The following GPR55 variants were observed in gnomAD, a reference collection of about 807,000 sequenced individuals.
GPR55 encodes the protein G-protein coupled receptor 55.
GPR55 carries 6 observed loss-of-function variants against 7.9 expected under a neutral mutation model. That is an observed-to-expected ratio of 0.76 (90% CI 0.41 to 1.49). The LOEUF is 1.49. GPR55 is among the 40% of genes most tolerant of loss of function. The pLI, the probability that GPR55 is intolerant of heterozygous loss-of-function variation, is 0.01. For missense variants in GPR55, 376 were observed against 406.0 expected (o/e 0.93, Z 0.63); for synonymous variants, 183 against 166.8 (o/e 1.10, Z -0.75).
rs531393390 is a variant in GPR55 at position 230,909,091 on chromosome 2, G to A, written c.*912C>T. On this transcript the variant is annotated 3_prime_UTR_variant, in exon 2 of 2. Coordinates refer to ENST00000650999, the MANE Select transcript of GPR55 (RefSeq NM_005683.4). ...TGTTTTCAAGGAAGCTAGCTGTAAT[G>A]AGCAACTTCCCAGTCTGTTTAAGAT... 39 of 152,440 alleles carry A rather than the reference G, an allele frequency of 2.6e-4. No homozygotes were observed. The highest frequency in any genetic ancestry group is 8.9e-4 in the African/African-American group (37 of 41,590). 9.4% of individuals were successfully genotyped at this position (152,440 alleles called of 1,614,324 possible).
chr2:230,941,120 A>G (rs1691220903), intron 1 of GPR55, among the ~76,000 whole-genome samples: 1 of 135,156 alleles, frequency 7.4e-6, no homozygotes, highest in South Asian at 2.5e-4. Flanking sequence ...CCATCTCCAG[A>G]AAAAAAAAAG....
intron 1 of GPR55, among the ~76,000 whole-genome samples, chr2:230,946,734 A>G (rs1489020911): frequency 6.6e-6 from 1 of 152,230 alleles, no homozygotes; most frequent in Non-Finnish European, 1.5e-5. Flanking sequence ...CACCTGGACC[A>G]GGCCATAGCT....
In GPR55 at chr2:230,951,682, G is replaced by A. The variant is rs1439099531; in HGVS notation, c.-135+9093C>T. On this transcript the variant is annotated intron_variant, in intron 1 of 1. Transcript: ENST00000392039. Reference sequence around the variant, plus strand: ...AGTTGGCTGGGATCTTGACAACTGAGGGTAAGCAGGGATTTTTTTCCCTTT... The same window carrying A: ...AGTTGGCTGGGATCTTGACAACTGAAGGTAAGCAGGGATTTTTTTCCCTTT... Among the ~76,000 whole-genome samples, 3 of 152,226 alleles carry A rather than the reference G, an allele frequency of 2.0e-5. No homozygotes were observed. The East Asian group carries it at 5.8e-4, about 29-fold the overall frequency.
intron 1 of GPR55, among the ~76,000 whole-genome samples, chr2:230,916,899 T>A (rs1200879029): frequency 1.3e-5 from 2 of 152,142 alleles, no homozygotes; most frequent in African/African-American, 4.8e-5. Context: ...GTGAAAAAAT[T>A]CAACTTTTAT....
intron 1 of GPR55, among the ~76,000 whole-genome samples, chr2:230,917,185 A>G (rs555944866): frequency 1.3e-5 from 2 of 152,398 alleles, no homozygotes; most frequent in East Asian, 3.8e-4. Flanking sequence ...GGAAAAGTAC[A>G]TCAGGTACAA....
chr2:230,930,058 C>T (rs922402423), upstream of GPR55: 11 of 152,368 alleles, frequency 7.2e-5, no homozygotes, highest in East Asian at 7.7e-4. Context: ...AGGACCCCCC[C>T]GCCTCCCACC....
At chr2:230,925,875 G>C (rs933951596), upstream of GPR55, among the ~76,000 whole-genome samples, 5 of 152,178 alleles carry the variant, frequency 3.3e-5, no homozygotes, top group Admixed American at 3.3e-4. Flanking sequence ...TGGCTTCCTA[G>C]GGCCCTGCAA....
upstream of GPR55, among the ~76,000 whole-genome samples, chr2:230,927,349 A>C (rs753677913): frequency 1.3e-5 from 2 of 151,990 alleles, no homozygotes; most frequent in Non-Finnish European, 2.9e-5. Flanking sequence ...TATATGGGGG[A>C]TCCCTTGCCA....
chr2:230,923,792 G>A lies in GPR55; in HGVS notation c.-135+1376C>T, dbSNP rs1026906124. Reference sequence around the variant, plus strand: ...GATTCTACCCAAGGTCAAAAAGGCCGTGAGGGACCAGCTGGAACTCATGTT... The same window carrying A: ...GATTCTACCCAAGGTCAAAAAGGCCATGAGGGACCAGCTGGAACTCATGTT... On this transcript the variant is annotated intron_variant, in intron 1 of 1. Coordinates refer to ENST00000650999, the MANE Select transcript of GPR55 (RefSeq NM_005683.4). The surrounding 1 kb of genome is among the most constrained non-coding windows in gnomAD (Gnocchi z 4.1). Among the ~76,000 whole-genome samples, 2 of 152,258 alleles carry A rather than the reference G, an allele frequency of 1.3e-5. No individual in the cohort carries two copies. The highest frequency in any genetic ancestry group is 1.5e-5 in the Non-Finnish European group (1 of 68,018).
At chr2:230,914,146 C>T (rs961728064) in intron 1 of GPR55, among the ~76,000 whole-genome samples, 1 of 152,226 alleles carries the variant, frequency 6.6e-6, no homozygotes, top group Non-Finnish European at 1.5e-5. Flanking sequence ...AACCCAAACC[C>T]AGACACAGTG....
At chr2:230,916,963 A>C (rs1382130356) in intron 1 of GPR55, among the ~76,000 whole-genome samples, 1 of 152,266 alleles carries the variant, frequency 6.6e-6, no homozygotes. Context: ...TGAAGGGTGC[A>C]CTTAAATGAC....
At chr2:230,917,925 T>C (rs1287584555) in intron 1 of GPR55, among the ~76,000 whole-genome samples, 1 of 151,190 alleles carries the variant, frequency 6.6e-6, no homozygotes, top group African/African-American at 2.5e-5. Flanking sequence ...TTTGGATTGG[T>C]TGTTTTAAAA....
At chr2:230,940,401 G>A (rs1232583301) in intron 1 of GPR55, among the ~76,000 whole-genome samples, 1 of 152,184 alleles carries the variant, frequency 6.6e-6, no homozygotes, top group Non-Finnish European at 1.5e-5. Context: ...GCCCAAAACT[G>A]CTGTGAATTC....
In GPR55 at chr2:230,909,777, T is replaced by A. The variant is rs894827112; in HGVS notation, c.*226A>T. On this transcript the variant is annotated 3_prime_UTR_variant, in exon 2 of 2. Transcript: ENST00000650999. ...AGAAATCAGTAATTCACCTGGTCTGTGGGTTCTTCAGAGATCCCTGAACAC... is the reference window on the plus strand; with the variant it reads ...AGAAATCAGTAATTCACCTGGTCTGAGGGTTCTTCAGAGATCCCTGAACAC... 3.5e-5 allele frequency: 19 copies of A among 535,438 alleles called. No individual in the cohort carries two copies. The highest frequency in any genetic ancestry group is 6.3e-5 in the Non-Finnish European group (19 of 301,870). The allele number at this position is 535,438 out of a possible 1,614,324, so 33.2% of individuals were successfully genotyped here. A position where few individuals can be genotyped will look rare whatever the true frequency, so the allele number is the denominator to read the frequency against.
chr2:230,937,311 G>T (rs145414984), intron 1 of GPR55, among the ~76,000 whole-genome samples: 14 of 151,684 alleles, frequency 9.2e-5, no homozygotes, highest in African/African-American at 3.2e-4. Flanking sequence ...AGGCTGAGAT[G>T]GAAGGATCAC....
intron 1 of GPR55, among the ~76,000 whole-genome samples, chr2:230,960,317 T>G (rs1392426948): frequency 1.3e-5 from 2 of 152,200 alleles, no homozygotes; most frequent in African/African-American, 4.8e-5. Context: ...ATAAGAGGAC[T>G]GACCATCAGC....
chr2:230,944,367 A>G lies in GPR55; in HGVS notation c.-135+16408T>C, dbSNP rs1691280349. On this transcript the variant is annotated intron_variant, in intron 1 of 1. Transcript: ENST00000392039. This position sits in a 1 kb window ranked among gnomAD's most constrained non-coding sequence, Gnocchi z 4.2. ...ACCTGACAGCTGTGCCTGCTTCACCAGTGTAGAGACTTGGATCCCCAGGCA... is the reference window on the plus strand; with the variant it reads ...ACCTGACAGCTGTGCCTGCTTCACCGGTGTAGAGACTTGGATCCCCAGGCA... Among the ~76,000 whole-genome samples the G allele has an allele frequency of 6.6e-6, 1 of 152,192 alleles. No individual in the cohort carries two copies. The highest frequency in any genetic ancestry group is 6.5e-5 in the Admixed American group (1 of 15,286).
Position 230,909,652 on chromosome 2 carries a change from A to C in GPR55, c.*351T>G. 4.5e-6 allele frequency: 1 copy of C among 221,838 alleles called. No individual in the cohort carries two copies. Among genetic ancestry groups the C allele is most frequent in the East Asian group, 1.0e-4 (1 of 9,898 alleles). The allele number at this position is 221,838 out of a possible 1,614,324, so 13.7% of individuals were successfully genotyped here. A position where few individuals can be genotyped will look rare whatever the true frequency, so the allele number is the denominator to read the frequency against. Reference sequence around the variant, plus strand: ...TTCTCTCTCTCTCTTTCTTTCCAGAACCTCCCAGTCGAACAGGAAAATGGG... The same window carrying C: ...TTCTCTCTCTCTCTTTCTTTCCAGACCCTCCCAGTCGAACAGGAAAATGGG... On this transcript the variant is annotated 3_prime_UTR_variant, in exon 2 of 2. Coordinates refer to ENST00000650999, the MANE Select transcript of GPR55 (RefSeq NM_005683.4).
At chr2:230,937,867 C>T (rs147283639) in intron 1 of GPR55, among the ~76,000 whole-genome samples, 2 of 151,932 alleles carry the variant, frequency 1.3e-5, no homozygotes, top group Non-Finnish European at 2.9e-5. Context: ...ATATTTAAAT[C>T]TAAAATTTGG....
Sources: allele counts gnomAD v4.1 joint callset (sites outside exome capture counted in the v4.1 genomes callset), GRCh38; gene constraint gnomAD v4.1.1; non-coding constraint Gnocchi (gnomAD v3.1); transcripts MANE v1.5; gene names NCBI Gene and HGNC (gene_info 2026-07-23, HGNC 2026-07-21).